Variants in PRKACB observed in about 807,000 individuals in gnomAD.
PRKACB encodes the protein cAMP-dependent protein kinase catalytic subunit beta.
In PRKACB, 16 loss-of-function variants were observed where a neutral mutation model predicts 51.4. The ratio of observed to expected loss-of-function variants is 0.31; its 90% CI spans 0.21 to 0.47. The LOEUF (loss-of-function observed/expected upper bound fraction) is 0.47, where lower values mean the gene tolerates loss of function less well. Among genes scored for constraint, PRKACB ranks in the 20% least tolerant of loss-of-function variants. The probability of loss-of-function intolerance (pLI) is 1.00; values close to 1 mark genes in which losing one functional copy is unlikely to be tolerated. For synonymous variants in PRKACB, 147 were observed against 154.4 expected (o/e 0.95, Z 0.35); for missense variants, 309 against 464.5 (o/e 0.67, Z 3.08).
At chr1:84,181,331 A>G (rs960112849) in intron 2 of PRKACB, among the ~76,000 whole-genome samples, 2 of 152,016 alleles carry the variant, frequency 1.3e-5, no homozygotes, top group African/African-American at 2.4e-5. Flanking sequence ...GTTCTTTGCA[A>G]TGAAACCTAT....
At chr1:84,088,625 A>T (rs1417712079) in intron 1 of PRKACB, among the ~76,000 whole-genome samples, 1 of 152,210 alleles carries the variant, frequency 6.6e-6, no homozygotes, top group Non-Finnish European at 1.5e-5. Flanking sequence ...ATGACAGGTT[A>T]AACTGTGGAA....
Position 84,196,674 on chromosome 1 carries a change from T to G in PRKACB, c.619T>G (p.Ser207Ala). 1 of 1,613,336 alleles carries G rather than the reference T, an allele frequency of 6.2e-7. No homozygotes were observed. Among genetic ancestry groups the G allele is most frequent in the Non-Finnish European group, 8.5e-7 (1 of 1,179,400 alleles). ...QIVLTFEYLH[S>A]LDLIYRDLKP... ...AGTGCTAACATTCGAGTACCTCCATTCACTAGACCTCATCTACAGAGATCT... is the reference window on the plus strand; with the variant it reads ...AGTGCTAACATTCGAGTACCTCCATGCACTAGACCTCATCTACAGAGATCT... The change falls in exon 6 of 10, where the codon TCA (serine) becomes GCA (alanine). Residue 207 changes from serine to alanine, a missense_variant. Transcript: ENST00000370685.
At chr1:84,197,933 A>T in intron 7 of PRKACB, 109 bp downstream of exon 7, 2 of 737,762 alleles carry the variant, frequency 2.7e-6, no homozygotes, top group Non-Finnish European at 4.3e-6. Context: ...AATTTGATCT[A>T]AGTTATGAAT....
chr1:84,095,715 G>A (rs1648875717), intron 1 of PRKACB, among the ~76,000 whole-genome samples: 1 of 151,670 alleles, frequency 6.6e-6, no homozygotes, highest in South Asian at 2.1e-4. Flanking sequence ...TTAATATGTT[G>A]CCTCTATCCC....
At chr1:84,084,478 G>T (rs563644337) in intron 1 of PRKACB, among the ~76,000 whole-genome samples, 2 of 152,238 alleles carry the variant, frequency 1.3e-5, no homozygotes, top group East Asian at 3.9e-4. Context: ...TTTAAAAGAG[G>T]TTACTTTGGT....
intron 1 of PRKACB, among the ~76,000 whole-genome samples, chr1:84,147,933 A>G (rs1223674961): frequency 1.3e-5 from 2 of 152,112 alleles, no homozygotes; most frequent in African/African-American, 4.8e-5. Flanking sequence ...CAGTTTTTTA[A>G]AGTGGAAAAT....
intron 2 of PRKACB, among the ~76,000 whole-genome samples, chr1:84,179,983 C>G (rs1662681717): frequency 6.8e-6 from 1 of 146,612 alleles, no homozygotes; most frequent in Non-Finnish European, 1.5e-5. Context: ...GTGTGATGTT[C>G]CCCTCCCTGT....
At chr1:84,221,851 G>T (rs1673773121) in intron 9 of PRKACB, among the ~76,000 whole-genome samples, 1 of 152,030 alleles carries the variant, frequency 6.6e-6, no homozygotes, top group African/African-American at 2.4e-5. Flanking sequence ...AATATAAATG[G>T]TCTATCCTGG....
intron 8 of PRKACB, among the ~76,000 whole-genome samples, chr1:84,210,760 A>G (rs1486504692): frequency 6.6e-6 from 1 of 152,182 alleles, no homozygotes; most frequent in Non-Finnish European, 1.5e-5. Context: ...ATGTATTACA[A>G]ATAAAGGTTG....
intron 1 of PRKACB, chr1:84,175,731 C>G: frequency 2.1e-6 from 3 of 1,409,538 alleles, no homozygotes; most frequent in Non-Finnish European, 2.9e-6. Context: ...AAAATTGTCT[C>G]TCTTTTTTTT....
chr1:84,174,789 TGTTA>T (rs934700611), intron 1 of PRKACB, among the ~76,000 whole-genome samples: 24 of 152,010 alleles, frequency 1.6e-4, no homozygotes, highest in South Asian at 2.1e-4. Flanking sequence ...TTAAAGTTTT[TGTTA>T]GTTGTTGTTT....
chr1:84,234,510 A>C (rs1676384011), intron 9 of PRKACB, among the ~76,000 whole-genome samples: 1 of 152,132 alleles, frequency 6.6e-6, no homozygotes, highest in South Asian at 2.1e-4. Context: ...CCCCTCCCCC[A>C]GCCTCACTGC....
chr1:84,186,807 C>T lies in PRKACB; in HGVS notation c.560+1625C>T, dbSNP rs537541478. Reference sequence around the variant, plus strand: ...AGGGACCTGGGCCACATTCAAGTAACGAGGAGGCCAGAAGGAAAATTTTTC... The same window carrying T: ...AGGGACCTGGGCCACATTCAAGTAATGAGGAGGCCAGAAGGAAAATTTTTC... On this transcript the variant is annotated intron_variant, in intron 5 of 9. Transcript: ENST00000370685. 6.6e-5 allele frequency among the ~76,000 whole-genome samples: 10 copies of T among 152,098 alleles called. 1 individual carries two copies. The East Asian group carries it at 9.7e-4, about 15-fold the overall frequency.
intron 1 of PRKACB, among the ~76,000 whole-genome samples, chr1:84,111,200 T>C (rs978961840): frequency 6.6e-6 from 1 of 152,056 alleles, no homozygotes; most frequent in African/African-American, 2.4e-5. Context: ...TTTCATTTTT[T>C]CCCTATCACT....
intron 1 of PRKACB, among the ~76,000 whole-genome samples, chr1:84,078,972 TC>T (rs1647307371): frequency 6.6e-6 from 1 of 152,218 alleles, no homozygotes; most frequent in Admixed American, 6.5e-5. Context: ...GTTTGCCTTT[TC>T]TCTAGACATT....
chr1:84,212,501 A>G (rs1672292087), intron 8 of PRKACB, among the ~76,000 whole-genome samples: 1 of 148,206 alleles, frequency 6.7e-6, no homozygotes, highest in Non-Finnish European at 1.5e-5. Flanking sequence ...GTCAGAATAT[A>G]AATTAAGGAG....
chr1:84,105,877 T>A (rs1010140708), intron 1 of PRKACB, among the ~76,000 whole-genome samples: 4 of 152,130 alleles, frequency 2.6e-5, no homozygotes, highest in Admixed American at 1.3e-4. Flanking sequence ...TACACCCAGC[T>A]TGTTAGCATT....
intron 1 of PRKACB, among the ~76,000 whole-genome samples, chr1:84,170,549 C>A (rs1659103318): frequency 6.6e-6 from 1 of 151,664 alleles, no homozygotes; most frequent in Non-Finnish European, 1.5e-5. Context: ...ATATACTCTA[C>A]ACCAGCTAAT....
chr1:84,111,922 T>C (rs1489600805), intron 1 of PRKACB, among the ~76,000 whole-genome samples: 1 of 152,134 alleles, frequency 6.6e-6, no homozygotes, highest in African/African-American at 2.4e-5. Flanking sequence ...TTATTTCTAA[T>C]ATAAGATTGG....
Sources: gnomAD v4.1 joint callset for allele counts (sites outside exome capture counted in the v4.1 genomes callset) on GRCh38, gnomAD v4.1.1 for gene constraint, MANE v1.5 for transcripts, NCBI Gene and HGNC (gene_info 2026-07-23, HGNC 2026-07-21) for gene names.